CNIH4: variants seen among roughly 807,000 people sequenced by gnomAD.
CNIH4 encodes the protein cornichon family member 4.
A neutral mutation model predicts 21.5 loss-of-function variants in CNIH4; 9 were observed. The observed-to-expected ratio is 0.42, with a 90% confidence interval of 0.25 to 0.73. The LOEUF is 0.73. CNIH4 is among the 30% of genes least tolerant of loss of function. CNIH4 has a pLI of 0.27. For synonymous variants in CNIH4, 67 were observed against 59.1 expected (o/e 1.13, Z -0.61); for missense variants, 159 against 170.0 (o/e 0.94, Z 0.36).
At chr1:224,374,155 T>C (rs1672714492) in intron 4 of CNIH4, among the ~76,000 whole-genome samples, 1 of 152,238 alleles carries the variant, frequency 6.6e-6, no homozygotes, top group African/African-American at 2.4e-5. Flanking sequence ...GTGGTTTTGC[T>C]ATTACTACCA....
chr1:224,368,024 G>A (rs1672515768), intron 3 of CNIH4, among the ~76,000 whole-genome samples: 1 of 152,238 alleles, frequency 6.6e-6, no homozygotes, highest in African/African-American at 2.4e-5. Flanking sequence ...GTTCTATGAA[G>A]TCAAGTCCAA....
At position 224,374,409 on chromosome 1, in the gene CNIH4, G is replaced by A. The variant is rs141611882; in HGVS notation, c.393-1386G>A. ...TACACTGTGGCCTGGGGCAAGTTTC[G>A]TTTCTTTTTTTTTTTTCTTTTGAGA... On this transcript the variant is annotated intron_variant, in intron 4 of 4. Coordinates refer to ENST00000465271, the MANE Select transcript of CNIH4 (RefSeq NM_014184.4). Among the ~76,000 whole-genome samples, 11 of 137,106 alleles carry A rather than the reference G, an allele frequency of 8.0e-5. No homozygotes were observed. In the East Asian group the frequency reaches 1.8e-3, roughly 22 times the overall value. The allele number at this position is 137,106 out of a possible 152,430, so 89.9% of individuals were successfully genotyped here.
intron 4 of CNIH4, among the ~76,000 whole-genome samples, chr1:224,372,798 T>A (rs980192103): frequency 6.6e-6 from 1 of 151,330 alleles, no homozygotes; most frequent in African/African-American, 2.4e-5. Context: ...TTCAGGATGG[T>A]CTCAATCTCC....
intron 3 of CNIH4, among the ~76,000 whole-genome samples, chr1:224,367,015 TAATA>T (rs1672481947): frequency 6.6e-6 from 1 of 151,996 alleles, no homozygotes; most frequent in South Asian, 2.1e-4. Flanking sequence ...ATTTTTTATT[TAATA>T]AATTTAGGAA....
intron 2 of CNIH4, among the ~76,000 whole-genome samples, 159 bp downstream of exon 2, chr1:224,360,722 T>C (rs564515099): frequency 1.4e-4 from 22 of 152,230 alleles, no homozygotes; most frequent in Non-Finnish European, 2.9e-4. Flanking sequence ...ATATTTTAGA[T>C]CATGAAATTA....
rs1295090850 is a variant in CNIH4, at chr1:224,369,737, C to T, written c.252-1546C>T. Among the ~76,000 whole-genome samples the T allele has an allele frequency of 3.4e-5, 5 of 148,594 alleles. No homozygotes were observed. In the East Asian group the frequency reaches 5.9e-4, roughly 18 times the overall value. On this transcript the variant is annotated intron_variant, in intron 3 of 4. Coordinates refer to ENST00000465271, the MANE Select transcript of CNIH4 (RefSeq NM_014184.4). ...TGTTGCCCAGGCTGGAGTGTGATACCGCAATCTTGGCTCATTGCAACCTCC... is the reference window on the plus strand; with the variant it reads ...TGTTGCCCAGGCTGGAGTGTGATACTGCAATCTTGGCTCATTGCAACCTCC...
intron 3 of CNIH4, among the ~76,000 whole-genome samples, chr1:224,370,374 T>C (rs1448029827): frequency 6.6e-6 from 1 of 152,218 alleles, no homozygotes; most frequent in Non-Finnish European, 1.5e-5. Flanking sequence ...GAGAGTCCTT[T>C]GCATTTCAAA....
chr1:224,365,885 A>G lies in CNIH4; in HGVS notation c.145A>G (p.Ile49Val), dbSNP rs553640041. Residue 49 changes from isoleucine (I) to valine (V), a missense_variant, in exon 3 of 5, where the codon ATT (isoleucine) becomes GTT (valine). Physicochemically the swap from Ile to Val is conservative, Grantham distance 29. Coordinates refer to ENST00000465271, the MANE Select transcript of CNIH4 (RefSeq NM_014184.4). Reference protein sequence around the residue: ...SCCSKLNKWVIPELIGHTIVT... With the variant: ...SCCSKLNKWVVPELIGHTIVT... ...CTGTGTTCTTCCATTGCAGTGGGTAATTCCAGAATTGATTGGCCATACCAT... is the reference window on the plus strand; with the variant it reads ...CTGTGTTCTTCCATTGCAGTGGGTAGTTCCAGAATTGATTGGCCATACCAT... The G allele has an allele frequency of 2.1e-4, 329 of 1,593,360 alleles. 3 individuals carry two copies. In the South Asian group the frequency reaches 3.5e-3, roughly 17 times the overall value.
chr1:224,365,814 C>A (rs777971912), intron 2 of CNIH4, 65 bp from the exon 3 acceptor site: 3 of 982,374 alleles, frequency 3.1e-6, no homozygotes, highest in Non-Finnish European at 4.9e-6. Context: ...GATTTAGTTT[C>A]AAATAACATG....
intron 4 of CNIH4, among the ~76,000 whole-genome samples, chr1:224,371,724 C>T (rs1672636345): frequency 6.6e-6 from 1 of 152,168 alleles, no homozygotes; most frequent in Admixed American, 6.5e-5. Context: ...GGGCAGATCA[C>T]CTGAGGTCGG....
chr1:224,366,051 G>T, intron 3 of CNIH4, 60 bp downstream of exon 3: 2 of 1,098,466 alleles, frequency 1.8e-6, no homozygotes, highest in Non-Finnish European at 2.8e-6. Context: ...AAAAAGTTGT[G>T]TTTTTTTCAA....
At chr1:224,372,046 G>A (rs932633372) in intron 4 of CNIH4, among the ~76,000 whole-genome samples, 1 of 152,116 alleles carries the variant, frequency 6.6e-6, no homozygotes, top group African/African-American at 2.4e-5. Context: ...GGTCTTTGGG[G>A]GATCACACCA....
chr1:224,358,226 A>G (rs1558393484), intron 1 of CNIH4, among the ~76,000 whole-genome samples: 1 of 152,214 alleles, frequency 6.6e-6, no homozygotes, highest in Non-Finnish European at 1.5e-5. Context: ...TATTTCCTAG[A>G]TATGCACAAT....
intron 4 of CNIH4, among the ~76,000 whole-genome samples, 171 bp downstream of exon 4, chr1:224,371,594 A>T (rs569622226): frequency 6.6e-6 from 1 of 152,236 alleles, no homozygotes; most frequent in African/African-American, 2.4e-5. Context: ...TTTCTGTCTG[A>T]ACTACAGTAG....
At chr1:224,368,882 C>T (rs1672541907) in intron 3 of CNIH4, among the ~76,000 whole-genome samples, 1 of 151,082 alleles carries the variant, frequency 6.6e-6, no homozygotes, top group Non-Finnish European at 1.5e-5. Flanking sequence ...TTCTCTACAT[C>T]CTTGCCAACA....
intron 3 of CNIH4, 28 bp from the exon 4 acceptor site, chr1:224,371,255 C>T: frequency 8.1e-6 from 13 of 1,597,506 alleles, no homozygotes; most frequent in Non-Finnish European, 1.0e-5. Context: ...GATTATCCTT[C>T]TAATGTGTGT....
At chr1:224,370,093 G>GA (rs533236365) in intron 3 of CNIH4, among the ~76,000 whole-genome samples, 6 of 151,350 alleles carry the variant, frequency 4.0e-5, no homozygotes, top group African/African-American at 9.7e-5. Flanking sequence ...ATACAAAAAG[G>GA]AAAAAAAAGA....
chr1:224,369,164 A>T (rs1054749497), intron 3 of CNIH4, among the ~76,000 whole-genome samples: 5 of 152,204 alleles, frequency 3.3e-5, no homozygotes, highest in African/African-American at 1.2e-4. Context: ...TGAATGGTCT[A>T]TTATGGTAAA....
chr1:224,363,970 C>T, intron 2 of CNIH4: 4 of 761,654 alleles, frequency 5.3e-6, no homozygotes, highest in Non-Finnish European at 6.4e-6. Context: ...GGATATGAGT[C>T]TAGTGCCAGT....
Sources: gnomAD v4.1 joint callset for allele counts (sites outside exome capture counted in the v4.1 genomes callset) on GRCh38, gnomAD v4.1.1 for gene constraint, MANE v1.5 for transcripts, NCBI Gene and HGNC (gene_info 2026-07-23, HGNC 2026-07-21) for gene names.